The following ANKRD30BL variants were observed in gnomAD, a reference collection of about 807,000 sequenced individuals.
ANKRD30BL encodes putative ankyrin repeat domain-containing protein 30B-like.
Under a neutral mutation model 18.4 loss-of-function variants are expected in ANKRD30BL, and 20 were observed. That is an observed-to-expected ratio of 1.09 (90% CI 0.77 to 1.58). ANKRD30BL has a LOEUF of 1.58. Ranked by LOEUF, ANKRD30BL falls within the 40% of genes most tolerant of loss-of-function variation. The pLI, the probability that ANKRD30BL is intolerant of heterozygous loss-of-function variation, is 0.00. For synonymous variants in ANKRD30BL, 72 were observed against 100.9 expected (o/e 0.71, Z 1.72); for missense variants, 224 against 268.6 (o/e 0.83, Z 1.16).
chr2:132,251,235 G>A (rs1336847577), intron 1 of ANKRD30BL, among the ~76,000 whole-genome samples: 1 of 152,182 alleles, frequency 6.6e-6, no homozygotes, highest in Non-Finnish European at 1.5e-5. Flanking sequence ...ATCTCGCATA[G>A]CCATAGAGCA....
chr2:132,180,115 G>A (rs932964686), intron 1 of ANKRD30BL, among the ~76,000 whole-genome samples: 1 of 151,908 alleles, frequency 6.6e-6, no homozygotes, highest in Non-Finnish European at 1.5e-5. Context: ...AACAGTGCCC[G>A]TAATGTCCTA....
chr2:132,222,133 G>A (rs1428773065), intron 1 of ANKRD30BL, among the ~76,000 whole-genome samples: 2 of 149,374 alleles, frequency 1.3e-5, no homozygotes, highest in African/African-American at 2.5e-5. Context: ...GGGAGGTGAG[G>A]GGCGCCTCTG....
chr2:132,200,992 A>G (rs1255733325), intron 1 of ANKRD30BL, among the ~76,000 whole-genome samples: 1 of 152,200 alleles, frequency 6.6e-6, no homozygotes, highest in Admixed American at 6.5e-5. Flanking sequence ...ATGATGCCAC[A>G]TATCTACAAC....
intron 1 of ANKRD30BL, among the ~76,000 whole-genome samples, chr2:132,204,736 C>T (rs1679176939): frequency 6.6e-6 from 1 of 152,060 alleles, no homozygotes; most frequent in South Asian, 2.1e-4. Flanking sequence ...TATATATACT[C>T]TAAATTTTCT....
intron 1 of ANKRD30BL, among the ~76,000 whole-genome samples, chr2:132,222,112 C>T (rs1004160769): frequency 2.7e-5 from 4 of 148,256 alleles, no homozygotes; most frequent in Non-Finnish European, 5.9e-5. Flanking sequence ...ACCCGGCCAG[C>T]CGCCCTATCT....
intron 1 of ANKRD30BL, among the ~76,000 whole-genome samples, chr2:132,213,600 T>G (rs1203016826): frequency 2.0e-5 from 3 of 152,232 alleles, no homozygotes; most frequent in Non-Finnish European, 4.4e-5. Flanking sequence ...ACTCTGCAAG[T>G]GAACATTTTG....
Position 132,198,011 on chromosome 2 carries a change from TTCTC to T in ANKRD30BL, n.442-40869_442-40866del, listed in dbSNP as rs551582683. Among the ~76,000 whole-genome samples the T allele has an allele frequency of 1.1e-3, 174 of 152,080 alleles. 2 individuals carry two copies. The highest frequency in any genetic ancestry group is 0.01 in the Middle Eastern group (3 of 290). Reference sequence around the variant, plus strand: ...GTAGATTTACTCAAATAAAAATTTCTTCTCTCTTCTAGTTGATAAACTTATTTCT... The same window carrying T: ...GTAGATTTACTCAAATAAAAATTTCTTCTTCTAGTTGATAAACTTATTTCT... On this transcript the variant is annotated intron_variant and non_coding_transcript_variant, in intron 1 of 4. Coordinates refer to the ANKRD30BL transcript ENST00000470729.
chr2:132,201,955 T>A (rs1573836323), intron 1 of ANKRD30BL, among the ~76,000 whole-genome samples: 1 of 152,202 alleles, frequency 6.6e-6, no homozygotes, highest in African/African-American at 2.4e-5. Flanking sequence ...CGGAATACTA[T>A]GCAGCCATAA....
chr2:132,256,347 A>G (rs1191386369), intron 1 of ANKRD30BL, among the ~76,000 whole-genome samples: 2 of 151,336 alleles, frequency 1.3e-5, no homozygotes, highest in African/African-American at 4.9e-5. Flanking sequence ...CGGACATCCC[A>G]TCCACCCACA....
At chr2:132,229,701 T>G (rs1352676995) in intron 1 of ANKRD30BL, among the ~76,000 whole-genome samples, 2 of 152,100 alleles carry the variant, frequency 1.3e-5, no homozygotes, top group East Asian at 3.9e-4. Context: ...GAACCTTTCT[T>G]TTGATAGAGC....
At chr2:132,222,832 TAAAAA>T (rs71001178) in intron 1 of ANKRD30BL, among the ~76,000 whole-genome samples, 5 of 52,812 alleles carry the variant, frequency 9.5e-5, no homozygotes, top group Non-Finnish European at 1.1e-4. Context: ...GAATGATCAA[TAAAAA>T]AAAAAAAAAA....
intron 1 of ANKRD30BL, among the ~76,000 whole-genome samples, chr2:132,192,562 A>T (rs1573828710): frequency 6.6e-6 from 1 of 152,206 alleles, no homozygotes; most frequent in East Asian, 1.9e-4. Context: ...AAGGGAAAAG[A>T]AGTAGTTCAT....
rs560910389 is a variant in ANKRD30BL at position 132,226,115 on chromosome 2, C to T, written n.441+31414G>A. On this transcript the variant is annotated intron_variant and non_coding_transcript_variant, in intron 1 of 4. Transcript: ENST00000470729. Reference sequence around the variant, plus strand: ...TATCATAGAGCAGTTATGAAACACTCTTTTAGTGGAATCTGCAAGGGGATA... The same window carrying T: ...TATCATAGAGCAGTTATGAAACACTTTTTTAGTGGAATCTGCAAGGGGATA... Among the ~76,000 whole-genome samples, 1,247 of 152,186 alleles carry T rather than the reference C, an allele frequency of 8.2e-3. 14 individuals are homozygous for T. Among genetic ancestry groups the T allele is most frequent in the Middle Eastern group, 0.044 (13 of 294 alleles).
chr2:132,176,794 C>CA (rs1688374050), intron 1 of ANKRD30BL, among the ~76,000 whole-genome samples: 1 of 151,966 alleles, frequency 6.6e-6, no homozygotes, highest in African/African-American at 2.4e-5. Context: ...CTGTAAAAAA[C>CA]AAAAAATGCA....
intron 1 of ANKRD30BL, among the ~76,000 whole-genome samples, chr2:132,220,736 T>G (rs1478437651): frequency 6.6e-6 from 1 of 151,984 alleles, no homozygotes; most frequent in Non-Finnish European, 1.5e-5. Flanking sequence ...CCCAGCCGCC[T>G]GCCTTGACCT....
intron 1 of ANKRD30BL, among the ~76,000 whole-genome samples, chr2:132,168,047 T>A (rs897437033): frequency 6.9e-4 from 105 of 152,330 alleles, no homozygotes; most frequent in African/African-American, 2.3e-3. Context: ...CTCACTTGCA[T>A]CATTTTCTCT....
chr2:132,158,473 G>A (rs1382175502), intron 1 of ANKRD30BL, among the ~76,000 whole-genome samples: 16 of 152,032 alleles, frequency 1.1e-4, no homozygotes, highest in Middle Eastern at 3.4e-3. Flanking sequence ...TACTTCAGAA[G>A]TGTTTTTGTT....
upstream of ANKRD30BL, among the ~76,000 whole-genome samples, chr2:132,162,394 G>A (rs1688099844): frequency 6.6e-6 from 1 of 152,190 alleles, no homozygotes. Flanking sequence ...CTACAGGGTT[G>A]GGCCCAGACC....
chr2:132,174,503 TAA>T, intron 1 of ANKRD30BL, among the ~76,000 whole-genome samples: 1 of 151,148 alleles, frequency 6.6e-6, no homozygotes, highest in East Asian at 1.9e-4. Flanking sequence ...GATCAGCAAT[TAA>T]AAAAAAATAC....
Sources: gnomAD v4.1 joint callset for allele counts (sites outside exome capture counted in the v4.1 genomes callset) on GRCh38, gnomAD v4.1.1 for gene constraint, MANE v1.5 for transcripts, NCBI Gene and HGNC (gene_info 2026-07-23, HGNC 2026-07-21) for gene names.